PDE4B: variants seen among roughly 807,000 people sequenced by gnomAD.
The protein encoded by PDE4B is phosphodiesterase 4B.
A neutral mutation model predicts 82.2 loss-of-function variants in PDE4B; 20 were observed. The observed-to-expected ratio is 0.24, with a 90% confidence interval of 0.17 to 0.35. PDE4B has a LOEUF of 0.35. PDE4B is among the 10% of genes least tolerant of loss of function. PDE4B has a pLI of 1.00. For synonymous variants in PDE4B, 320 were observed against 318.9 expected (o/e 1.00, Z -0.04); for missense variants, 655 against 907.2 (o/e 0.72, Z 3.57).
intron 9 of PDE4B, among the ~76,000 whole-genome samples, chr1:66,358,026 G>A (rs1290022727): frequency 6.6e-6 from 1 of 152,206 alleles, no homozygotes; most frequent in Non-Finnish European, 1.5e-5. Context: ...TATCCTGTGA[G>A]CATGATGAAT....
chr1:66,132,942 T>C (rs145219703), intron 3 of PDE4B, among the ~76,000 whole-genome samples: 2 of 152,320 alleles, frequency 1.3e-5, no homozygotes, highest in Non-Finnish European at 2.9e-5. Context: ...AGCTCAGCAG[T>C]GGCATATCTT....
chr1:65,959,703 T>G (rs1186560147), intron 3 of PDE4B, among the ~76,000 whole-genome samples: 2 of 152,132 alleles, frequency 1.3e-5, no homozygotes, highest in Non-Finnish European at 2.9e-5. Flanking sequence ...AACTCACCCC[T>G]TAGTTCATGA....
intron 16 of PDE4B, 132 bp downstream of exon 16, chr1:66,369,101 C>A (rs1350357111): frequency 1.5e-6 from 1 of 664,946 alleles, no homozygotes; most frequent in Non-Finnish European, 2.4e-6. Flanking sequence ...GCATTTTGTT[C>A]CATTATAGTC....
chr1:66,228,392 A>G (rs1651632578), intron 3 of PDE4B, among the ~76,000 whole-genome samples: 1 of 152,164 alleles, frequency 6.6e-6, no homozygotes, highest in Non-Finnish European at 1.5e-5. Flanking sequence ...TGGGAGGCCA[A>G]GGCGGGCGGA....
intron 3 of PDE4B, among the ~76,000 whole-genome samples, chr1:66,228,228 G>A (rs1161510171): frequency 2.6e-5 from 4 of 151,974 alleles, no homozygotes; most frequent in Non-Finnish European, 4.4e-5. Flanking sequence ...CCTTTACCCC[G>A]GCTCATTCGG....
At chr1:66,319,617 A>G (rs1659259288) in intron 7 of PDE4B, among the ~76,000 whole-genome samples, 1 of 152,230 alleles carries the variant, frequency 6.6e-6, no homozygotes, top group Admixed American at 6.5e-5. Flanking sequence ...TCAAGTTTCC[A>G]GGTTCTACAT....
chr1:66,277,725 T>C (rs1570609627), intron 7 of PDE4B, among the ~76,000 whole-genome samples: 1 of 152,202 alleles, frequency 6.6e-6, no homozygotes, highest in African/African-American at 2.4e-5. Context: ...AACTTCTCTT[T>C]GAGCCCCAAG....
chr1:66,050,800 G>A (rs377581546), intron 3 of PDE4B: 2 of 152,186 alleles, frequency 1.3e-5, no homozygotes, highest in East Asian at 3.9e-4. Context: ...ATCCGTGAAG[G>A]AGCATCATCG....
At chr1:65,940,488 T>C (rs1485724194) in intron 3 of PDE4B, among the ~76,000 whole-genome samples, 3 of 152,152 alleles carry the variant, frequency 2.0e-5, no homozygotes, top group Admixed American at 1.3e-4. Flanking sequence ...TGGTTATGTA[T>C]AGAATGAACC....
intron 3 of PDE4B, among the ~76,000 whole-genome samples, chr1:66,103,532 G>A (rs192639950): frequency 1.3e-5 from 2 of 152,116 alleles, no homozygotes; most frequent in African/African-American, 2.4e-5. Flanking sequence ...CAATAATTTA[G>A]CATGATAAAG....
rs557363235 is a variant in PDE4B at position 65,894,461 on chromosome 1, G to T, written c.-70-18784G>T. ...AATATAGGAACATAATCTATGAAAT[G>T]ATGGGTTGATCAAAGATTTCTTAGA... On this transcript the variant is annotated intron_variant, in intron 1 of 16. Coordinates refer to ENST00000341517, the MANE Select transcript of PDE4B (RefSeq NM_002600.4). 1.2e-4 allele frequency among the ~76,000 whole-genome samples: 18 copies of T among 152,218 alleles called. No individual in the cohort carries two copies. The South Asian group carries it at 3.7e-3, about 32-fold the overall frequency.
chr1:66,029,651 T>G (rs1653649583), intron 3 of PDE4B, among the ~76,000 whole-genome samples: 1 of 152,192 alleles, frequency 6.6e-6, no homozygotes, highest in Admixed American at 6.5e-5. Flanking sequence ...TTTTGCTTTT[T>G]GATATGAAAT....
intron 2 of PDE4B, among the ~76,000 whole-genome samples, chr1:65,916,223 G>A (rs1411435820): frequency 6.6e-6 from 1 of 152,020 alleles, no homozygotes; most frequent in Non-Finnish European, 1.5e-5. Flanking sequence ...TATTAACTGA[G>A]GTCTTCTGGA....
intron 4 of PDE4B, 21 bp downstream of exon 4, chr1:66,247,675 G>T: frequency 1.3e-6 from 2 of 1,524,950 alleles, no homozygotes; most frequent in Admixed American, 2.1e-5. Flanking sequence ...GCTCTGTCTG[G>T]CTTCCAGTTT....
chr1:65,811,361 G>C (rs1234764826), intron 1 of PDE4B, among the ~76,000 whole-genome samples: 1 of 152,212 alleles, frequency 6.6e-6, no homozygotes, highest in Non-Finnish European at 1.5e-5. Flanking sequence ...CATCCTCAAG[G>C]CTTGGCTATG....
chr1:65,841,315 GAAAA>G (rs1296682004), intron 1 of PDE4B, among the ~76,000 whole-genome samples: 4 of 143,118 alleles, frequency 2.8e-5, no homozygotes, highest in Non-Finnish European at 6.1e-5. Context: ...AAGAAGGAAA[GAAAA>G]AAAGAGAGAG....
At chr1:66,203,512 A>T (rs899068211) in intron 3 of PDE4B, among the ~76,000 whole-genome samples, 1 of 152,180 alleles carries the variant, frequency 6.6e-6, no homozygotes, top group Non-Finnish European at 1.5e-5. Context: ...GTCTTTTCAC[A>T]TAGTCCCATA....
At chr1:66,149,709 C>T (rs1033425084) in intron 3 of PDE4B, among the ~76,000 whole-genome samples, 1 of 151,980 alleles carries the variant, frequency 6.6e-6, no homozygotes, top group African/African-American at 2.4e-5. Flanking sequence ...AAAAATTATC[C>T]AGGTGTGGTG....
At chr1:65,920,959 CTTTTTTTTT>C (rs71058435) in intron 3 of PDE4B, among the ~76,000 whole-genome samples, 2 of 68,176 alleles carry the variant, frequency 2.9e-5, no homozygotes, top group Middle Eastern at 0.011. Context: ...AAAAGCATTT[CTTTTTTTTT>C]TTTTTTTTTT....
Sources: gnomAD v4.1 joint callset for allele counts (sites outside exome capture counted in the v4.1 genomes callset) on GRCh38, gnomAD v4.1.1 for gene constraint, MANE v1.5 for transcripts, NCBI Gene and HGNC (gene_info 2026-07-23, HGNC 2026-07-21) for gene names.